Variants in GADD45A observed in about 807,000 individuals in gnomAD.
GADD45A encodes the protein growth arrest and DNA damage inducible alpha, also known as growth arrest and DNA damage-inducible protein GADD45 alpha.
In GADD45A, 9 loss-of-function variants were observed where a neutral mutation model predicts 17.7. The observed-to-expected ratio is 0.51, with a 90% CI of 0.31 to 0.89. The LOEUF (loss-of-function observed/expected upper bound fraction) is 0.89, where lower values mean the gene tolerates loss of function less well. Ranked by LOEUF, GADD45A falls within the 40% of genes least tolerant of loss-of-function variation. The pLI, the probability that GADD45A is intolerant of heterozygous loss-of-function variation, is 0.05. For missense variants in GADD45A, 149 were observed against 220.6 expected, an observed-to-expected ratio of 0.68 and a Z score of 2.06; for synonymous variants, 95 against 92.2, an observed-to-expected ratio of 1.03 and a Z score of -0.17.
rs777285077 is a variant in GADD45A at position 67,686,336 on chromosome 1, C to T, written c.147-14C>T. The T allele has an allele frequency of 1.2e-6, 2 of 1,607,908 alleles. No individual in the cohort carries two copies. Among genetic ancestry groups the T allele is most frequent in the South Asian group, 1.1e-5 (1 of 90,812 alleles). ...CGCGCTTCTGCGCTCACTGGCCCCG[C>T]CCGCTGCCCCCAGCGACCCCGATAA... is the stretch of plus-strand genomic sequence containing the variant. On this transcript the variant is annotated splice_polypyrimidine_tract_variant and intron_variant, in intron 2 of 3. Transcript: ENST00000370986.
intron 2 of GADD45A, 76 bp downstream of exon 2, chr1:67,686,202 C>A: frequency 7.2e-7 from 1 of 1,386,212 alleles, no homozygotes; most frequent in Admixed American, 2.1e-5. Context: ...GCTGGGCGCC[C>A]CTCGCCCGGC....
In GADD45A at chr1:67,686,005, T is replaced by C; in HGVS notation, c.45-20T>C. 12 of 1,570,434 alleles carry C rather than the reference T, an allele frequency of 7.6e-6. No individual in the cohort carries two copies. Among genetic ancestry groups the C allele is most frequent in the African/African-American group, 1.4e-5 (1 of 72,386 alleles). On this transcript the variant is annotated intron_variant, in intron 1 of 3. Transcript: ENST00000370986. ...AGGGCACCGGGGCTGACGGGACCCC[T>C]CGCCCTTGCCCGCGTGTAGGATGGA...
At chr1:67,685,962 G>T (rs3783465) in intron 1 of GADD45A, 63 bp from the exon 2 acceptor site, 1 of 1,069,436 alleles carries the variant, frequency 9.4e-7, no homozygotes, top group Middle Eastern at 2.1e-4. Flanking sequence ...CCGGACGAGG[G>T]GGGCGGCGAT....
At position 67,686,127 on chromosome 1, in the gene GADD45A, G is replaced by A; in HGVS notation, c.146+1G>A. The A allele has an allele frequency of 6.2e-7, 1 of 1,608,038 alleles. No homozygotes were observed. The highest frequency in any genetic ancestry group is 8.5e-7 in the Non-Finnish European group (1 of 1,176,652). On this transcript the variant is annotated splice_donor_variant, in intron 2 of 3. Coordinates refer to ENST00000370986, the MANE Select transcript of GADD45A (RefSeq NM_001924.4). LOFTEE classifies it high-confidence loss of function. ...ACGAAGCGGCCAAGCTGCTCAACGT[G>A]TAAGTGGGGCCCTTGCGCGTCCCCC...
intron 3 of GADD45A, 21 bp from the exon 4 acceptor site, chr1:67,687,640 T>A (rs1359707014): frequency 7.2e-7 from 1 of 1,395,562 alleles, no homozygotes; most frequent in South Asian, 1.2e-5. Flanking sequence ...AATAAGTTTA[T>A]TTTTATAAAT....
Position 67,685,343 on chromosome 1 carries a change from C to G in GADD45A, c.-152C>G, listed in dbSNP as rs1438800944. ...GGCGGCTGGCACAGGAGGAGGAGCC[C>G]GGGCGGGCGAGGGGCGGCCGGAGAG... On this transcript the variant is annotated 5_prime_UTR_variant, in exon 1 of 4. Coordinates refer to ENST00000370986, the MANE Select transcript of GADD45A (RefSeq NM_001924.4). 1.6e-6 allele frequency: 1 copy of G among 621,006 alleles called. No individual in the cohort carries two copies. Among genetic ancestry groups the G allele is most frequent in the Non-Finnish European group, 2.7e-6 (1 of 365,100 alleles). 38.5% of individuals were successfully genotyped at this position (621,006 alleles called of 1,614,324 possible).
intron 2 of GADD45A, 22 bp from the exon 3 acceptor site, chr1:67,686,328 T>C (rs778607027): frequency 1.6e-5 from 25 of 1,603,968 alleles, no homozygotes; most frequent in East Asian, 1.3e-4. Flanking sequence ...CTGCGCTCAC[T>C]GGCCCCGCCC....
intron 2 of GADD45A, 56 bp from the exon 3 acceptor site, chr1:67,686,294 C>A (rs1014439423): frequency 1.0e-4 from 159 of 1,523,106 alleles, no homozygotes; most frequent in Non-Finnish European, 1.3e-4. Flanking sequence ...GGGACCCGGG[C>A]AGTGGTTGAG....
Position 67,686,134 on chromosome 1 carries a change from G to C in GADD45A, c.146+8G>C. The C allele has an allele frequency of 3.1e-6, 5 of 1,602,728 alleles. No homozygotes were observed. Among genetic ancestry groups the C allele is most frequent in the Non-Finnish European group, 4.3e-6 (5 of 1,173,176 alleles). On this transcript the variant is annotated splice_region_variant and intron_variant, in intron 2 of 3. Coordinates refer to ENST00000370986, the MANE Select transcript of GADD45A (RefSeq NM_001924.4). ...GGCCAAGCTGCTCAACGTGTAAGTG[G>C]GGCCCTTGCGCGTCCCCCATGGCAC...
At chr1:67,685,704 G>A in intron 1 of GADD45A, 166 bp downstream of exon 1, 1 of 701,646 alleles carries the variant, frequency 1.4e-6, no homozygotes, top group Non-Finnish European at 2.4e-6. Flanking sequence ...CCCACGGACT[G>A]AAAGAGCGTG....
Position 67,686,468 on chromosome 1 carries a change from A to T in GADD45A, c.265A>T (p.Ile89Phe). 6.2e-7 allele frequency: 1 copy of T among 1,613,736 alleles called. No homozygotes were observed. The highest frequency in any genetic ancestry group is 8.5e-7 in the Non-Finnish European group (1 of 1,179,854). Residue 89 changes from isoleucine (I) to phenylalanine (F), a missense_variant, in exon 3 of 4, where the codon ATC becomes TTC. By Grantham distance (21) the Ile-to-Phe change is conservative (BLOSUM62 0). Coordinates refer to ENST00000370986, the MANE Select transcript of GADD45A (RefSeq NM_001924.4). ...GTTTTGCTGCGAGAACGACATCAAC[A>T]TCCTGCGCGTCAGCAACCCGGGCCG... ...QAFCCENDIN[I>F]LRVSNPGRLA... is the part of the protein sequence containing the mutation.
chr1:67,687,926 C>A lies in GADD45A; in HGVS notation c.*152C>A. The A allele has an allele frequency of 2.0e-6, 1 of 512,066 alleles. No individual in the cohort carries two copies. The highest frequency in any genetic ancestry group is 3.5e-6 in the Non-Finnish European group (1 of 286,056). The allele number at this position is 512,066 out of a possible 1,614,324, so 31.7% of individuals were successfully genotyped here. ...GAGTTCAACTACATGTTCTGGGGGC[C>A]CGGAGATAGATGACTTTGCAGATGG... On this transcript the variant is annotated 3_prime_UTR_variant, in exon 4 of 4. Coordinates refer to ENST00000370986, the MANE Select transcript of GADD45A (RefSeq NM_001924.4).
intron 3 of GADD45A, among the ~76,000 whole-genome samples, chr1:67,687,073 T>A (rs1296347732): frequency 1.3e-5 from 2 of 149,180 alleles, no homozygotes; most frequent in African/African-American, 5.0e-5. Context: ...TGCATTTTTT[T>A]AATGGCTCTT....
Position 67,687,931 on chromosome 1 carries a change from G to A in GADD45A, c.*157G>A. ...CAACTACATGTTCTGGGGGCCCGGA[G>A]ATAGATGACTTTGCAGATGGAAAGA... On this transcript the variant is annotated 3_prime_UTR_variant, in exon 4 of 4. Coordinates refer to ENST00000370986, the MANE Select transcript of GADD45A (RefSeq NM_001924.4). The A allele has an allele frequency of 2.0e-6, 1 of 511,042 alleles. No homozygotes were observed. 31.7% of individuals were successfully genotyped at this position (511,042 alleles called of 1,614,324 possible).
chr1:67,685,576 C>G (rs1557583016), intron 1 of GADD45A, 38 bp downstream of exon 1: 1 of 1,582,038 alleles, frequency 6.3e-7, no homozygotes, highest in Admixed American at 1.8e-5. Flanking sequence ...CCGAACTTCT[C>G]TTACCTACCC....
intron 3 of GADD45A, among the ~76,000 whole-genome samples, chr1:67,687,109 G>A (rs1646140298): frequency 6.6e-6 from 1 of 150,596 alleles, no homozygotes; most frequent in Non-Finnish European, 1.5e-5. Flanking sequence ...AAAAACCTTT[G>A]GTAGGTAGGG....
At chr1:67,687,238 C>T (rs947425666) in intron 3 of GADD45A, among the ~76,000 whole-genome samples, 5 of 152,294 alleles carry the variant, frequency 3.3e-5, no homozygotes, top group African/African-American at 1.2e-4. Flanking sequence ...ACTATTCTGT[C>T]TCTTGGAGTA....
chr1:67,688,031 C>T lies in GADD45A; in HGVS notation c.*257C>T. Reference sequence around the variant, plus strand: ...GGAACAAAAATTACAAAGAACCATGCAGGAAGGAAAACTATGTATTAATTT... The same window carrying T: ...GGAACAAAAATTACAAAGAACCATGTAGGAAGGAAAACTATGTATTAATTT... On this transcript the variant is annotated 3_prime_UTR_variant, in exon 4 of 4. Coordinates refer to ENST00000370986, the MANE Select transcript of GADD45A (RefSeq NM_001924.4). 1 of 384,136 alleles carries T rather than the reference C, an allele frequency of 2.6e-6. No individual in the cohort carries two copies. Among genetic ancestry groups the T allele is most frequent in the Non-Finnish European group, 4.7e-6 (1 of 212,818 alleles). The allele number at this position is 384,136 out of a possible 1,614,324, so 23.8% of individuals were successfully genotyped here.
At chr1:67,686,229 G>A in intron 2 of GADD45A, 103 bp downstream of exon 2, 1 of 1,374,542 alleles carries the variant, frequency 7.3e-7, no homozygotes, top group South Asian at 1.2e-5. Flanking sequence ...ACTTCCTGTC[G>A]CTTTTCTGCC....
Sources: allele counts gnomAD v4.1 joint callset (sites outside exome capture counted in the v4.1 genomes callset), GRCh38; gene constraint gnomAD v4.1.1; transcripts MANE v1.5; gene names NCBI Gene and HGNC (gene_info 2026-07-23, HGNC 2026-07-21).